The following HCN1 variants were observed in gnomAD, a reference collection of about 807,000 sequenced individuals.
HCN1 encodes the protein hyperpolarization activated cyclic nucleotide gated potassium channel 1.
In HCN1, 13 loss-of-function variants were observed where a neutral mutation model predicts 78.9. The observed-to-expected ratio is 0.16, with a 90% CI of 0.11 to 0.26. The LOEUF (loss-of-function observed/expected upper bound fraction) is 0.26. Among genes scored for constraint, HCN1 ranks in the 10% least tolerant of loss-of-function variants. The pLI, the probability that HCN1 is intolerant of heterozygous loss-of-function variation, is 1.00. For missense variants in HCN1, 810 were observed against 1,154.3 expected, an observed-to-expected ratio of 0.70 and a Z score of 4.32; for synonymous variants, 552 against 455.5, an observed-to-expected ratio of 1.21 and a Z score of -2.70.
At chr5:45,563,212 G>A (rs1342567456) in intron 2 of HCN1, among the ~76,000 whole-genome samples, 1 of 152,174 alleles carries the variant, frequency 6.6e-6, no homozygotes, top group African/African-American at 2.4e-5. Context: ...CACTTTGGGA[G>A]GCCGAGGTGG....
At position 45,353,120 on chromosome 5, in the gene HCN1, G is replaced by T. The variant is rs1201587793; in HGVS notation, c.1357C>A (p.Leu453Ile). 1 of 1,610,830 alleles carries T rather than the reference G, an allele frequency of 6.2e-7. No homozygotes were observed. The highest frequency in any genetic ancestry group is 8.5e-7 in the Non-Finnish European group (1 of 1,178,026). ...CTTACCTCTCTCAGAGGATCATTGAGTTCATTGAGAATATTTTCCTCATCA... is the reference window on the plus strand; with the variant it reads ...CTTACCTCTCTCAGAGGATCATTGATTTCATTGAGAATATTTTCCTCATCA... ...IFDEENILNE[L>I]NDPLREEIVN... Residue 453 changes from leucine to isoleucine, a missense_variant, in exon 5 of 8, where the codon CTC (leucine) becomes ATC (isoleucine). Leu to Ile is a conservative substitution (Grantham distance 5). Transcript: ENST00000303230.
At chr5:45,429,419 A>T (rs551821249) in intron 3 of HCN1, among the ~76,000 whole-genome samples, 5 of 152,232 alleles carry the variant, frequency 3.3e-5, no homozygotes, top group Admixed American at 6.5e-5. Flanking sequence ...ATAGCTGACA[A>T]GTTAGTGCTG....
intron 5 of HCN1, among the ~76,000 whole-genome samples, chr5:45,317,038 T>A (rs572882033): frequency 1.3e-4 from 20 of 152,230 alleles, no homozygotes; most frequent in African/African-American, 4.8e-4. Flanking sequence ...TACCAATGAC[T>A]TTCTTCAAAA....
In HCN1 at chr5:45,255,466, G is replaced by C. The variant is rs1472864496; in HGVS notation, c.*6455C>G. On this transcript the variant is annotated 3_prime_UTR_variant, in exon 8 of 8. Coordinates refer to ENST00000303230, the MANE Select transcript of HCN1 (RefSeq NM_021072.4). ...TCTGTAGGTACAGGGTAAGGCCAAG[G>C]ACTCTGCACTTCTTGTAATTATACT... 1 of 152,170 alleles carries C rather than the reference G, an allele frequency of 6.6e-6. No homozygotes were observed. The highest frequency in any genetic ancestry group is 2.4e-5 in the African/African-American group (1 of 41,418). The allele number at this position is 152,170 out of a possible 1,614,324, so 9.4% of individuals were successfully genotyped here.
rs1744678737 is a variant in HCN1, at chr5:45,259,076, T to C, written c.*2845A>G. 1.3e-5 allele frequency: 2 copies of C among 151,950 alleles called. No individual in the cohort carries two copies. The highest frequency in any genetic ancestry group is 4.1e-4 in the South Asian group (2 of 4,822). The allele number at this position is 151,950 out of a possible 1,614,324, so 9.4% of individuals were successfully genotyped here. A position where few individuals can be genotyped will look rare whatever the true frequency, so the allele number is the denominator to read the frequency against. On this transcript the variant is annotated 3_prime_UTR_variant, in exon 8 of 8. Transcript: ENST00000303230. ...AACAAAGAAGTGGTTGAAAAATCCA[T>C]GTTCTATTTAAAGTCCTCTCATTCC...
intron 2 of HCN1, 107 bp from the exon 3 acceptor site, chr5:45,462,114 T>TA: frequency 2.4e-6 from 2 of 834,490 alleles, no homozygotes; most frequent in Non-Finnish European, 3.9e-6. Flanking sequence ...ATTGATTTAA[T>TA]AAAAATATGG....
At chr5:45,563,570 C>T (rs1743649328) in intron 2 of HCN1, among the ~76,000 whole-genome samples, 1 of 151,960 alleles carries the variant, frequency 6.6e-6, no homozygotes, top group Admixed American at 6.6e-5. Flanking sequence ...ATAAGACTTA[C>T]AATAGAATTC....
chr5:45,500,002 T>C (rs1742155195), intron 2 of HCN1, among the ~76,000 whole-genome samples: 1 of 152,098 alleles, frequency 6.6e-6, no homozygotes, highest in Admixed American at 6.5e-5. Context: ...AATTAAAGAT[T>C]CTAGAAGTAA....
chr5:45,685,826 A>G (rs966659572), intron 1 of HCN1, among the ~76,000 whole-genome samples: 1 of 152,240 alleles, frequency 6.6e-6, no homozygotes, highest in East Asian at 1.9e-4. Context: ...GGATTGCATG[A>G]AGGTAAAAAG....
chr5:45,585,147 C>T (rs987290096), intron 2 of HCN1, among the ~76,000 whole-genome samples: 24 of 152,156 alleles, frequency 1.6e-4, no homozygotes, highest in Non-Finnish European at 2.9e-4. Context: ...GCATTCTCCC[C>T]GTCACTTTCA....
intron 5 of HCN1, among the ~76,000 whole-genome samples, chr5:45,315,448 C>T (rs1216237015): frequency 1.3e-5 from 2 of 152,026 alleles, no homozygotes; most frequent in Non-Finnish European, 2.9e-5. Flanking sequence ...ACTAAATGCC[C>T]ACAAGAGAAA....
At chr5:45,468,365 T>G (rs367782098) in intron 2 of HCN1, among the ~76,000 whole-genome samples, 2 of 152,214 alleles carry the variant, frequency 1.3e-5, no homozygotes, top group South Asian at 4.1e-4. Flanking sequence ...AAAGTATAGG[T>G]GTATATGTTA....
intron 6 of HCN1, among the ~76,000 whole-genome samples, chr5:45,287,261 G>A (rs1745287318): frequency 6.6e-6 from 1 of 151,744 alleles, no homozygotes. Context: ...TCCCAGCCCT[G>A]TCACCACCAA....
chr5:45,296,435 C>T (rs1477712319), intron 6 of HCN1, among the ~76,000 whole-genome samples: 1 of 151,700 alleles, frequency 6.6e-6, no homozygotes, highest in Non-Finnish European at 1.5e-5. Flanking sequence ...TAAAATATGA[C>T]ACCAAATTTG....
rs185702786 is a variant in HCN1 at position 45,445,931 on chromosome 5, A to G, written c.1011+15915T>C. 3.6e-3 allele frequency among the ~76,000 whole-genome samples: 547 copies of G among 152,286 alleles called. 3 individuals carry two copies. Among genetic ancestry groups the G allele is most frequent in the South Asian group, 0.011 (54 of 4,832 alleles). On this transcript the variant is annotated intron_variant, in intron 3 of 7. Transcript: ENST00000303230. ...AACAAAAGTAGATAAAACCACAAAG[A>G]TGGGGAAAAAACAGAGCAGAAAAAC...
At chr5:45,456,943 T>C (rs187660413) in intron 3 of HCN1, among the ~76,000 whole-genome samples, 4 of 152,190 alleles carry the variant, frequency 2.6e-5, no homozygotes, top group South Asian at 4.1e-4. Flanking sequence ...TAACTCCTCA[T>C]GACACAACCT....
chr5:45,646,524 A>G (rs1745553393), intron 1 of HCN1, among the ~76,000 whole-genome samples: 1 of 151,430 alleles, frequency 6.6e-6, no homozygotes, highest in Non-Finnish European at 1.5e-5. Flanking sequence ...CAGGCGTGCC[A>G]CCATGCCCAG....
chr5:45,572,371 C>T (rs1435225594), intron 2 of HCN1, among the ~76,000 whole-genome samples: 4 of 152,040 alleles, frequency 2.6e-5, no homozygotes, highest in Non-Finnish European at 5.9e-5. Context: ...CATTACTTAA[C>T]CATAAAACTT....
At chr5:45,544,316 A>T (rs1743163508) in intron 2 of HCN1, among the ~76,000 whole-genome samples, 1 of 152,156 alleles carries the variant, frequency 6.6e-6, no homozygotes, top group Admixed American at 6.6e-5. Flanking sequence ...AGAAATTTCT[A>T]GAATCTTGTT....
Sources: gnomAD v4.1 joint callset for allele counts (sites outside exome capture counted in the v4.1 genomes callset) on GRCh38, gnomAD v4.1.1 for gene constraint, MANE v1.5 for transcripts, NCBI Gene and HGNC (gene_info 2026-07-23, HGNC 2026-07-21) for gene names.